Variants in ARNT2 observed in about 807,000 individuals in gnomAD.
ARNT2 encodes aryl hydrocarbon receptor nuclear translocator 2.
A neutral mutation model predicts 91.7 loss-of-function variants in ARNT2; 36 were observed. The observed-to-expected ratio is 0.39, with a 90% CI of 0.30 to 0.52. The LOEUF is 0.52. Among genes scored for constraint, ARNT2 ranks in the 20% least tolerant of loss-of-function variants. The pLI, the probability that ARNT2 is intolerant of heterozygous loss-of-function variation, is 0.72. For missense variants in ARNT2, 775 were observed against 939.3 expected (o/e 0.83, Z 2.29); for synonymous variants, 365 against 347.1 (o/e 1.05, Z -0.57).
At chr15:80,562,722 G>A in intron 11 of ARNT2, 2 of 270,698 alleles carry the variant, frequency 7.4e-6, no homozygotes, top group Non-Finnish European at 1.4e-5. Flanking sequence ...GGTGAGTGGA[G>A]AGCACCAAAC....
chr15:80,589,448 C>A (rs964714893), intron 17 of ARNT2, among the ~76,000 whole-genome samples: 5 of 152,200 alleles, frequency 3.3e-5, no homozygotes, highest in Admixed American at 3.3e-4. Context: ...GATGGGCAAG[C>A]CCCAAGGAAA....
intron 17 of ARNT2, among the ~76,000 whole-genome samples, chr15:80,584,072 C>A (rs1898847131): frequency 6.6e-6 from 1 of 152,170 alleles, no homozygotes. Flanking sequence ...GAAAGCCAGG[C>A]TGTGGTGGAG....
chr15:80,565,665 T>A (rs1178906801), intron 12 of ARNT2, among the ~76,000 whole-genome samples: 2 of 152,150 alleles, frequency 1.3e-5, no homozygotes, highest in Non-Finnish European at 2.9e-5. Flanking sequence ...GTTTGTTGGC[T>A]GTTTCTGTGT....
At chr15:80,411,279 G>A (rs1460487490) in intron 1 of ARNT2, among the ~76,000 whole-genome samples, 1 of 152,212 alleles carries the variant, frequency 6.6e-6, no homozygotes, top group Non-Finnish European at 1.5e-5. Flanking sequence ...GAAGCCCTGT[G>A]AGGGCAGGGA....
At chr15:80,434,674 G>A (rs1047283710) in intron 1 of ARNT2, among the ~76,000 whole-genome samples, 6 of 152,094 alleles carry the variant, frequency 3.9e-5, no homozygotes, top group Non-Finnish European at 8.8e-5. Flanking sequence ...AGAGAAAATC[G>A]GCAAGTGAGT....
At chr15:80,537,710 A>G (rs1221427831) in intron 8 of ARNT2, among the ~76,000 whole-genome samples, 1 of 152,182 alleles carries the variant, frequency 6.6e-6, no homozygotes, top group Non-Finnish European at 1.5e-5. Flanking sequence ...AAAAATTCCT[A>G]TGTTGAAGTC....
At chr15:80,496,092 A>G (rs1428008201) in intron 5 of ARNT2, among the ~76,000 whole-genome samples, 1 of 151,990 alleles carries the variant, frequency 6.6e-6, no homozygotes, top group Non-Finnish European at 1.5e-5. Context: ...TGCACTTTGT[A>G]ATTTCTGTTG....
At position 80,591,298 on chromosome 15, in the gene ARNT2, C is replaced by T. The variant is rs547065849; in HGVS notation, c.1919-270C>T. Reference sequence around the variant, plus strand: ...GCAAGGAGCACTCCAAGGCTTAAAGCACCTAGTCACCTGGCAGGTGACCTC... The same window carrying T: ...GCAAGGAGCACTCCAAGGCTTAAAGTACCTAGTCACCTGGCAGGTGACCTC... On this transcript the variant is annotated intron_variant, in intron 17 of 18. Transcript: ENST00000303329. The surrounding 1 kb of genome is among the most constrained non-coding windows in gnomAD (Gnocchi z 5.1). 2.6e-5 allele frequency among the ~76,000 whole-genome samples: 4 copies of T among 152,220 alleles called. No homozygotes were observed. The highest frequency in any genetic ancestry group is 4.4e-5 in the Non-Finnish European group (3 of 68,036).
At chr15:80,487,601 T>C (rs1896997246) in intron 5 of ARNT2, 1 of 152,386 alleles carries the variant, frequency 6.6e-6, no homozygotes, top group South Asian at 2.1e-4. Flanking sequence ...TTTCCAGATG[T>C]TGGACTTAGA....
intron 12 of ARNT2, among the ~76,000 whole-genome samples, chr15:80,570,417 C>T (rs1214629981): frequency 6.6e-6 from 1 of 152,068 alleles, no homozygotes; most frequent in East Asian, 1.9e-4. Context: ...TGGAAGGTGA[C>T]GGTGCCCCCA....
At chr15:80,449,347 G>A (rs1485215625) in intron 1 of ARNT2, among the ~76,000 whole-genome samples, 1 of 152,060 alleles carries the variant, frequency 6.6e-6, no homozygotes, top group African/African-American at 2.4e-5. Flanking sequence ...TTCAGTTTGG[G>A]GACATAATGG....
intron 1 of ARNT2, among the ~76,000 whole-genome samples, chr15:80,440,856 G>T (rs1332228883): frequency 1.3e-5 from 2 of 152,160 alleles, no homozygotes; most frequent in Non-Finnish European, 2.9e-5. Context: ...GGATCTCACG[G>T]CTGGTTAAAG....
chr15:80,505,599 A>G (rs561368921), intron 5 of ARNT2, among the ~76,000 whole-genome samples: 7 of 152,346 alleles, frequency 4.6e-5, no homozygotes, highest in African/African-American at 1.4e-4. Context: ...ATTTTTACCA[A>G]TGAGGTAGCT....
chr15:80,476,205 G>T (rs1896800387), intron 5 of ARNT2, among the ~76,000 whole-genome samples: 1 of 152,184 alleles, frequency 6.6e-6, no homozygotes, highest in African/African-American at 2.4e-5. Flanking sequence ...ATGGTAGGAG[G>T]ACAGTCATGT....
Position 80,576,780 on chromosome 15 carries a change from C to T in ARNT2, c.1514-86C>T. 9.1e-6 allele frequency: 13 copies of T among 1,421,952 alleles called. 1 individual carries two copies. In the South Asian group the frequency reaches 1.3e-4, roughly 14 times the overall value. The allele number at this position is 1,421,952 out of a possible 1,614,324, so 88.1% of individuals were successfully genotyped here. On this transcript the variant is annotated intron_variant, in intron 14 of 18. Coordinates refer to ENST00000303329, the MANE Select transcript of ARNT2 (RefSeq NM_014862.4). Reference sequence around the variant, plus strand: ...TTGTGTCCTCCCGTTCCCACGCCCACCCCTGCACCTCTTCTTGGGGCAGCC... The same window carrying T: ...TTGTGTCCTCCCGTTCCCACGCCCATCCCTGCACCTCTTCTTGGGGCAGCC...
At chr15:80,573,041 TG>T (rs1026691686) in intron 12 of ARNT2, among the ~76,000 whole-genome samples, 1 of 152,232 alleles carries the variant, frequency 6.6e-6, no homozygotes, top group Non-Finnish European at 1.5e-5. Flanking sequence ...GATGACCACC[TG>T]GGAGCGTGTG....
chr15:80,470,054 A>G (rs536948953), intron 3 of ARNT2, among the ~76,000 whole-genome samples, 164 bp from the exon 4 acceptor site: 1 of 152,354 alleles, frequency 6.6e-6, no homozygotes, highest in East Asian at 1.9e-4. Flanking sequence ...CTGAGGCATC[A>G]GAAGGGCCAT....
chr15:80,497,446 T>C (rs1335358663), intron 5 of ARNT2, among the ~76,000 whole-genome samples: 1 of 152,240 alleles, frequency 6.6e-6, no homozygotes, highest in Admixed American at 6.5e-5. Flanking sequence ...GCACCTGACC[T>C]GACAACTGCA....
intron 1 of ARNT2, among the ~76,000 whole-genome samples, chr15:80,431,482 G>T (rs1383014466): frequency 6.6e-6 from 1 of 152,164 alleles, no homozygotes; most frequent in Admixed American, 6.5e-5. Flanking sequence ...GGGTCCTGAA[G>T]AGGGCACAGA....
Sources: gnomAD v4.1 joint callset for allele counts (sites outside exome capture counted in the v4.1 genomes callset) on GRCh38, gnomAD v4.1.1 for gene constraint, Gnocchi (gnomAD v3.1) non-coding constraint, MANE v1.5 for transcripts, NCBI Gene and HGNC (gene_info 2026-07-23, HGNC 2026-07-21) for gene names.